FSHR: variants seen among roughly 807,000 people sequenced by gnomAD.
FSHR encodes follicle stimulating hormone receptor, also known as follicle-stimulating hormone receptor.
In FSHR, 46 loss-of-function variants were observed where a neutral mutation model predicts 52.1. That is an observed-to-expected ratio of 0.88 (90% confidence interval 0.70 to 1.13). FSHR has a LOEUF of 1.13. Among genes scored for constraint, FSHR ranks in the 50% most tolerant of loss-of-function variants. The pLI, the probability that FSHR is intolerant of heterozygous loss-of-function variation, is 0.00. For missense variants in FSHR, 964 were observed against 834.6 expected, an observed-to-expected ratio of 1.16 and a Z score of -1.91; for synonymous variants, 399 against 309.6, an observed-to-expected ratio of 1.29 and a Z score of -3.03.
chr2:48,997,060 GGA>G (rs1487865517), intron 4 of FSHR: 1 of 163,706 alleles, frequency 6.1e-6, no homozygotes, highest in African/African-American at 2.4e-5. Flanking sequence ...ACAGAATCGT[GGA>G]GTTAGATGGC....
At chr2:49,019,274 C>A (rs1185701519) in intron 3 of FSHR, among the ~76,000 whole-genome samples, 1 of 152,140 alleles carries the variant, frequency 6.6e-6, no homozygotes, top group African/African-American at 2.4e-5. Flanking sequence ...TCTTATTTGA[C>A]CATAAATCTT....
rs747402888 is a variant in FSHR at position 48,963,035 on chromosome 2, A to T, written c.1786T>A (p.Ser596Thr). The change falls in exon 10 of 10, where the codon TCC becomes ACC. Residue 596 changes from serine (S) to threonine (T), a missense_variant. Physicochemically the swap from Ser to Thr is moderately conservative, Grantham distance 58 (BLOSUM62 1). Transcript: ENST00000406846. ...APISFFAISA[S>T]LKVPLITVSK... ...ACAGTGATGAGGGGCACCTTGAGGG[A>T]GGCAGAAATGGCAAAGAAAGAAATG... The T allele has an allele frequency of 8.7e-6, 14 of 1,614,076 alleles. No homozygotes were observed. The South Asian group carries it at 1.3e-4, about 15-fold the overall frequency.
chr2:48,985,702 T>G (rs1268262260), intron 6 of FSHR, among the ~76,000 whole-genome samples: 1 of 131,442 alleles, frequency 7.6e-6, no homozygotes, highest in African/African-American at 3.0e-5. Context: ...TACAGGTTTT[T>G]TTTTTTTTTT....
chr2:48,988,609 A>G (rs955489638), intron 6 of FSHR, among the ~76,000 whole-genome samples: 1 of 152,238 alleles, frequency 6.6e-6, no homozygotes, highest in Non-Finnish European at 1.5e-5. Context: ...GGGAATCGCC[A>G]TATCTTCCTG....
At chr2:48,982,849 A>C in intron 8 of FSHR, 63 bp downstream of exon 8, 1 of 1,369,446 alleles carries the variant, frequency 7.3e-7, no homozygotes, top group Non-Finnish European at 1.0e-6. Flanking sequence ...CTAGCTGCAG[A>C]GAGTTGACTT....
At chr2:49,090,743 A>T (rs1670574978) in intron 1 of FSHR, among the ~76,000 whole-genome samples, 1 of 152,150 alleles carries the variant, frequency 6.6e-6, no homozygotes, top group Non-Finnish European at 1.5e-5. Context: ...TATTTATGAG[A>T]GTTCCAGGTG....
chr2:49,087,668 A>T (rs1205208704), intron 1 of FSHR, among the ~76,000 whole-genome samples: 1 of 152,214 alleles, frequency 6.6e-6, no homozygotes, highest in Non-Finnish European at 1.5e-5. Flanking sequence ...GTCCTTTAAA[A>T]ATTACATACA....
chr2:49,077,437 C>T (rs1197876048), intron 1 of FSHR, among the ~76,000 whole-genome samples: 1 of 152,154 alleles, frequency 6.6e-6, no homozygotes. Flanking sequence ...GCCCTTGAAA[C>T]CACTTTTTCC....
intron 6 of FSHR, among the ~76,000 whole-genome samples, chr2:48,983,958 T>A (rs1369958142): frequency 6.6e-6 from 1 of 152,026 alleles, no homozygotes; most frequent in African/African-American, 2.4e-5. Flanking sequence ...TGCTCCTGAG[T>A]GGATCTGAAA....
Position 49,130,430 on chromosome 2 carries a change from A to G in FSHR, c.152+23836T>C, listed in dbSNP as rs367998665. Among the ~76,000 whole-genome samples the G allele has an allele frequency of 2.0e-5, 3 of 152,314 alleles. 1 individual carries two copies. The highest frequency in any genetic ancestry group is 1.5e-5 in the Non-Finnish European group (1 of 68,024). On this transcript the variant is annotated intron_variant, in intron 1 of 9. Transcript: ENST00000406846. Reference sequence around the variant, plus strand: ...AAGTTCTGGCCTTGATTATCTGGTGAATGGAATACTCTGGCCTTCATTCTG... The same window carrying G: ...AAGTTCTGGCCTTGATTATCTGGTGGATGGAATACTCTGGCCTTCATTCTG...
chr2:48,989,017 T>A lies in FSHR; in HGVS notation c.484A>T (p.Arg162Ter), dbSNP rs760270443. Residue 162 changes from arginine to a stop codon, truncating the protein, a stop_gained, in exon 6 of 10, where the codon AGA becomes TGA. Transcript: ENST00000406846. LOFTEE classifies it high-confidence loss of function. ...QDNINIHTIERNSFVGLSFES... is the reference protein window; with the variant it reads ...QDNINIHTIE ...AAGCTCAGCCCCACGAAAGAATTTC[T>A]TTCAATTGTGTGGATGTTTATGTTA... is the stretch of plus-strand genomic sequence containing the variant. The A allele has an allele frequency of 1.2e-6, 2 of 1,614,048 alleles. No individual in the cohort carries two copies. The highest frequency in any genetic ancestry group is 2.2e-5 in the South Asian group (2 of 91,076).
chr2:49,079,050 GA>G (rs1232324517), intron 1 of FSHR, among the ~76,000 whole-genome samples: 2 of 152,018 alleles, frequency 1.3e-5, no homozygotes, highest in Admixed American at 6.6e-5. Flanking sequence ...CAGCTGATAA[GA>G]AAGTCTAGTT....
chr2:49,021,438 TCA>T (rs1667692743), intron 2 of FSHR, among the ~76,000 whole-genome samples: 1 of 152,172 alleles, frequency 6.6e-6, no homozygotes, highest in Non-Finnish European at 1.5e-5. Flanking sequence ...TCAGGAAATC[TCA>T]CAGGCAGCAT....
chr2:48,993,786 A>C (rs2160148), intron 4 of FSHR, among the ~76,000 whole-genome samples: 2 of 152,160 alleles, frequency 1.3e-5, no homozygotes, highest in Admixed American at 6.5e-5. Context: ...CCTTTCTCCA[A>C]ATATTTGCAT....
In FSHR at chr2:49,030,271, AGTGTGTGTGTGTGTGTGTGTGTGT is replaced by A. The variant is rs141079184; in HGVS notation, c.225-10135_225-10112del. On this transcript the variant is annotated intron_variant, in intron 2 of 9. Transcript: ENST00000406846. ...GAGGCTCTTTGCTAAAGGAATAGCA[AGTGTGTGTGTGTGTGTGTGTGTGT>A]GTGTGTGTGTGTGTGTGTGTTATTG... Among the ~76,000 whole-genome samples, 258 of 140,464 alleles carry A rather than the reference AGTGTGTGTGTGTGTGTGTGTGTGT, an allele frequency of 1.8e-3. 1 individual carries two copies. In the East Asian group the frequency reaches 0.019, roughly 10 times the overall value. 92.1% of individuals were successfully genotyped at this position (140,464 alleles called of 152,430 possible).
At chr2:49,020,300 T>G in intron 2 of FSHR, 140 bp from the exon 3 acceptor site, 1 of 754,150 alleles carries the variant, frequency 1.3e-6, no homozygotes, top group Non-Finnish European at 2.4e-6. Context: ...AAGTCAGCTG[T>G]AGTAATAAGG....
At chr2:49,130,351 G>A (rs1351430707) in intron 1 of FSHR, among the ~76,000 whole-genome samples, 2 of 152,076 alleles carry the variant, frequency 1.3e-5, no homozygotes, top group African/African-American at 4.8e-5. Context: ...GGGGTAAATC[G>A]CTTAATCTCA....
chr2:48,974,278 G>C (rs1573028500), intron 8 of FSHR, among the ~76,000 whole-genome samples: 1 of 152,234 alleles, frequency 6.6e-6, no homozygotes, highest in South Asian at 2.1e-4. Context: ...ACACTGGGTA[G>C]ATTGACTTGA....
At chr2:49,141,989 G>T (rs1252554357) in intron 1 of FSHR, among the ~76,000 whole-genome samples, 1 of 152,214 alleles carries the variant, frequency 6.6e-6, no homozygotes, top group Non-Finnish European at 1.5e-5. Context: ...GTGCAAAATT[G>T]TTGGGCAAGA....
Sources: allele counts gnomAD v4.1 joint callset (sites outside exome capture counted in the v4.1 genomes callset), GRCh38; gene constraint gnomAD v4.1.1; transcripts MANE v1.5; gene names NCBI Gene and HGNC (gene_info 2026-07-23, HGNC 2026-07-21).